Variants in BAALC observed in about 807,000 individuals in gnomAD.
The protein encoded by BAALC is brain and acute leukemia cytoplasmic protein.
BAALC carries 9 observed loss-of-function variants against 15.5 expected under a neutral mutation model. That is an observed-to-expected ratio of 0.58 (90% CI 0.35 to 1.02). The LOEUF is 1.02. Ranked by LOEUF, BAALC falls within the 50% of genes least tolerant of loss-of-function variation. The pLI is 0.02. For synonymous variants in BAALC, 80 were observed against 74.6 expected, an observed-to-expected ratio of 1.07 and a Z score of -0.37; for missense variants, 201 against 192.4, an observed-to-expected ratio of 1.04 and a Z score of -0.27.
intron 1 of BAALC, among the ~76,000 whole-genome samples, chr8:103,187,216 TG>T (rs1332126962): frequency 6.6e-6 from 1 of 152,176 alleles, no homozygotes; most frequent in South Asian, 2.1e-4. Flanking sequence ...CCACTTCTAG[TG>T]GGCACCGAAG....
chr8:103,221,241 A>G lies in BAALC; in HGVS notation c.328-6748A>G, dbSNP rs867776786. Among the ~76,000 whole-genome samples, 11 of 152,348 alleles carry G rather than the reference A, an allele frequency of 7.2e-5. No individual in the cohort carries two copies. The South Asian group carries it at 2.3e-3, about 32-fold the overall frequency. On this transcript the variant is annotated intron_variant, in intron 2 of 2. Transcript: ENST00000309982. ...AAGAGGCAGTATCAAGAAGACTAAAATCTATGATTCATGGGGTACTAAAGC... is the reference window on the plus strand; with the variant it reads ...AAGAGGCAGTATCAAGAAGACTAAAGTCTATGATTCATGGGGTACTAAAGC...
chr8:103,185,879 G>T (rs967972439), intron 1 of BAALC, among the ~76,000 whole-genome samples: 1 of 152,204 alleles, frequency 6.6e-6, no homozygotes, highest in African/African-American at 2.4e-5. Flanking sequence ...TAGGGACCTT[G>T]GGTTACTTGT....
At chr8:103,142,772 C>T (rs948887689) in intron 1 of BAALC, among the ~76,000 whole-genome samples, 1 of 152,168 alleles carries the variant, frequency 6.6e-6, no homozygotes, top group Non-Finnish European at 1.5e-5. Context: ...ACATGTTCCT[C>T]ACAACTTTCC....
intron 1 of BAALC, among the ~76,000 whole-genome samples, chr8:103,167,372 A>T (rs1352370213): frequency 6.6e-6 from 1 of 152,158 alleles, no homozygotes; most frequent in African/African-American, 2.4e-5. Context: ...TGTTCTTTGC[A>T]TTGTCCAATA....
At chr8:103,148,354 G>T (rs1412400989) in intron 1 of BAALC, among the ~76,000 whole-genome samples, 1 of 152,196 alleles carries the variant, frequency 6.6e-6, no homozygotes. Flanking sequence ...AGGGCCTCCA[G>T]AAGGAACCAA....
At position 103,228,046 on chromosome 8, in the gene BAALC, A is replaced by G. The variant is rs1296852923; in HGVS notation, c.385A>G (p.Ser129Gly). 3 of 1,613,876 alleles carry G rather than the reference A, an allele frequency of 1.9e-6. No individual in the cohort carries two copies. The highest frequency in any genetic ancestry group is 1.7e-5 in the Admixed American group (1 of 60,012). Residue 129 changes from serine to glycine, a missense_variant, in exon 3 of 3, where the codon AGC becomes GGC. Physicochemically the swap from Ser to Gly is moderately conservative, Grantham distance 56 (BLOSUM62 0). Transcript: ENST00000309982. ...AGAAGTCACCATTAATGTAACAGAT[A>G]GCATCCAACAGATGGACAGAAGTCG... ...AKEVTINVTD[S>G]IQQMDRSRRI...
At chr8:103,180,759 CA>C (rs1811708946) in intron 1 of BAALC, among the ~76,000 whole-genome samples, 1 of 152,138 alleles carries the variant, frequency 6.6e-6, no homozygotes, top group Non-Finnish European at 1.5e-5. Flanking sequence ...AGGAGGAGAA[CA>C]AGTTGAGATG....
intron 1 of BAALC, among the ~76,000 whole-genome samples, chr8:103,164,470 G>A (rs533045100): frequency 1.4e-4 from 21 of 152,286 alleles, no homozygotes; most frequent in East Asian, 7.7e-4. Flanking sequence ...CTGCCAAAGA[G>A]TCTTTCTGGA....
At chr8:103,155,478 T>C (rs1363020217) in intron 1 of BAALC, among the ~76,000 whole-genome samples, 1 of 152,206 alleles carries the variant, frequency 6.6e-6, no homozygotes, top group Non-Finnish European at 1.5e-5. Context: ...TTGAGAAGAC[T>C]GGGCCTTTTT....
At chr8:103,225,205 G>A (rs780698371) in intron 2 of BAALC, among the ~76,000 whole-genome samples, 43 of 152,164 alleles carry the variant, frequency 2.8e-4, no homozygotes, top group Non-Finnish European at 3.8e-4. Context: ...CAAGTGTGGT[G>A]CATTCATTCA....
In BAALC at chr8:103,230,154, A is replaced by C. The variant is rs1051971048; in HGVS notation, c.*2055A>C. On this transcript the variant is annotated 3_prime_UTR_variant, in exon 3 of 3. Coordinates refer to ENST00000309982, the MANE Select transcript of BAALC (RefSeq NM_024812.3). ...CCCCAGAACAATCTGGATTTCACGG[A>C]GACAGCAACCAGAAGTTAAACCATG... The C allele has an allele frequency of 1.3e-5, 2 of 152,200 alleles. No individual in the cohort carries two copies. Among genetic ancestry groups the C allele is most frequent in the Non-Finnish European group, 2.9e-5 (2 of 68,038 alleles). The allele number at this position is 152,200 out of a possible 1,614,324, so 9.4% of individuals were successfully genotyped here. A position where few individuals can be genotyped will look rare whatever the true frequency, so the allele number is the denominator to read the frequency against.
rs118045815 is a variant in BAALC, at chr8:103,201,299, A to T, written c.161-11620A>T. On this transcript the variant is annotated intron_variant, in intron 1 of 2. Transcript: ENST00000309982. The stretch of plus-strand genomic sequence containing the variant: ...CCACCAGAGGGGCATTATGATTCTG[A>T]GGACCACCCCTCATGTGCAACCCCT... 4.3e-4 allele frequency among the ~76,000 whole-genome samples: 66 copies of T among 152,302 alleles called. No individual in the cohort carries two copies. The East Asian group carries it at 0.012, about 29-fold the overall frequency.
At chr8:103,219,543 C>T (rs1812634257) in intron 2 of BAALC, 1 of 152,190 alleles carries the variant, frequency 6.6e-6, no homozygotes, top group Non-Finnish European at 1.5e-5. Flanking sequence ...GCACTCGATA[C>T]AAACTCCCAG....
intron 1 of BAALC, among the ~76,000 whole-genome samples, chr8:103,197,230 A>C (rs1237072869): frequency 6.6e-6 from 1 of 151,122 alleles, no homozygotes; most frequent in African/African-American, 2.4e-5. Flanking sequence ...TGCACGTGAA[A>C]GGAAAGGTTT....
intron 1 of BAALC, among the ~76,000 whole-genome samples, chr8:103,202,617 G>A (rs1345578658): frequency 1.3e-5 from 2 of 152,242 alleles, no homozygotes; most frequent in Non-Finnish European, 2.9e-5. Flanking sequence ...AAGAGCATAA[G>A]AGAAGTGTTT....
intron 1 of BAALC, among the ~76,000 whole-genome samples, chr8:103,147,392 ATAATT>A (rs1810898909): frequency 6.6e-6 from 1 of 152,258 alleles, no homozygotes. Context: ...ATATTTTTAA[ATAATT>A]TAAAGAGTGT....
At chr8:103,141,336 G>T in intron 1 of BAALC, 1 of 380,646 alleles carries the variant, frequency 2.6e-6, no homozygotes. Context: ...TCGGGAGACC[G>T]GTGGGTGGGA....
chr8:103,200,367 A>G (rs1812186241), intron 1 of BAALC, among the ~76,000 whole-genome samples: 1 of 152,202 alleles, frequency 6.6e-6, no homozygotes, highest in Non-Finnish European at 1.5e-5. Context: ...CCAAAGGAAT[A>G]TCATCTAATT....
chr8:103,228,924 C>T lies in BAALC; in HGVS notation c.*825C>T, dbSNP rs11554072. On this transcript the variant is annotated 3_prime_UTR_variant, in exon 3 of 3. Coordinates refer to ENST00000309982, the MANE Select transcript of BAALC (RefSeq NM_024812.3). ...TCCCTTTGCTTGTCTTCTTGACTGT[C>T]TTCCCTCTCTATCGGGGTCACTTGC... is the stretch of plus-strand genomic sequence containing the variant. The T allele has an allele frequency of 0.079, 12,095 of 152,348 alleles. 544 individuals are homozygous for T. The highest frequency in any genetic ancestry group is 0.21 in the Middle Eastern group (61 of 296). 9.4% of individuals were successfully genotyped at this position (152,348 alleles called of 1,614,324 possible). A position where few individuals can be genotyped will look rare whatever the true frequency, so the allele number is the denominator to read the frequency against.
Sources: gnomAD v4.1 joint callset for allele counts (sites outside exome capture counted in the v4.1 genomes callset) on GRCh38, gnomAD v4.1.1 for gene constraint, MANE v1.5 for transcripts, NCBI Gene and HGNC (gene_info 2026-07-23, HGNC 2026-07-21) for gene names.